TAFA2: variants seen among roughly 807,000 people sequenced by gnomAD.
The protein encoded by TAFA2 is chemokine-like protein TAFA-2.
TAFA2 carries 7 observed loss-of-function variants against 18.8 expected under a neutral mutation model. The ratio of observed to expected loss-of-function variants is 0.37; its 90% confidence interval spans 0.21 to 0.70. The LOEUF (loss-of-function observed/expected upper bound fraction) is 0.70. Among genes scored for constraint, TAFA2 ranks in the 30% least tolerant of loss-of-function variants. The probability of loss-of-function intolerance (pLI) is 0.53; values close to 1 mark genes in which losing one functional copy is unlikely to be tolerated. For missense variants in TAFA2, 122 were observed against 158.1 expected, an observed-to-expected ratio of 0.77 and a Z score of 1.23; for synonymous variants, 60 against 54.2, an observed-to-expected ratio of 1.11 and a Z score of -0.47.
chr12:61,948,675 T>C (rs911887009), intron 1 of TAFA2, among the ~76,000 whole-genome samples: 1 of 152,182 alleles, frequency 6.6e-6, no homozygotes, highest in Non-Finnish European at 1.5e-5. Flanking sequence ...GAAAAGAGAA[T>C]GTATTGTAGT....
At chr12:62,158,925 C>T (rs561239004) in intron 1 of TAFA2, among the ~76,000 whole-genome samples, 1 of 152,094 alleles carries the variant, frequency 6.6e-6, no homozygotes, top group African/African-American at 2.4e-5. Context: ...TAATTTGAAG[C>T]AAGGAAAAAG....
rs1195210174 is a variant in TAFA2, at chr12:61,879,738, T to C, written c.-1-12312A>G. The C allele has an allele frequency of 2.5e-6, 3 of 1,218,958 alleles. No homozygotes were observed. The African/African-American group carries it at 4.4e-5, about 18-fold the overall frequency. 75.5% of individuals were successfully genotyped at this position (1,218,958 alleles called of 1,614,324 possible). On this transcript the variant is annotated intron_variant, in intron 1 of 4. Coordinates refer to ENST00000416284, the MANE Select transcript of TAFA2 (RefSeq NM_178539.5). ...ATGGCTCAGAGCAACATGGACAACA[T>C]GTTCCAGAGCTACATCAACAACCTT...
chr12:62,124,008 A>G (rs1349964882), intron 1 of TAFA2, among the ~76,000 whole-genome samples: 1 of 152,152 alleles, frequency 6.6e-6, no homozygotes, highest in Non-Finnish European at 1.5e-5. Context: ...AGATGCAACA[A>G]TTTGGAAACA....
At chr12:62,195,124 T>C (rs1422458652), upstream of TAFA2, among the ~76,000 whole-genome samples, 3 of 152,218 alleles carry the variant, frequency 2.0e-5, no homozygotes, top group African/African-American at 4.8e-5. Context: ...AGGTTTGCTG[T>C]GTCAATTGAC....
chr12:61,927,933 G>A (rs1314212930), intron 1 of TAFA2, among the ~76,000 whole-genome samples: 1 of 152,154 alleles, frequency 6.6e-6, no homozygotes, highest in Non-Finnish European at 1.5e-5. Flanking sequence ...TTTAATAAAT[G>A]GCGTTGGGAA....
At chr12:62,113,880 T>C (rs1268981243) in intron 1 of TAFA2, among the ~76,000 whole-genome samples, 1 of 152,218 alleles carries the variant, frequency 6.6e-6, no homozygotes, top group Non-Finnish European at 1.5e-5. Flanking sequence ...TTCAGACTGC[T>C]GTACTGGCAG....
intron 1 of TAFA2, among the ~76,000 whole-genome samples, chr12:61,972,782 G>A (rs527943908): frequency 3.3e-5 from 5 of 151,580 alleles, no homozygotes; most frequent in African/African-American, 1.2e-4. Flanking sequence ...GGGATGATCT[G>A]CTAAGGGAAA....
intron 2 of TAFA2, among the ~76,000 whole-genome samples, chr12:61,788,011 T>A (rs776677016): frequency 3.3e-5 from 5 of 151,610 alleles, no homozygotes; most frequent in Non-Finnish European, 7.4e-5. Flanking sequence ...TGGAAAAAGA[T>A]ATTACATGCA....
At chr12:61,968,369 C>A (rs187786714) in intron 1 of TAFA2, among the ~76,000 whole-genome samples, 218 of 151,904 alleles carry the variant, frequency 1.4e-3, no homozygotes, top group Admixed American at 2.6e-3. Flanking sequence ...CATTAGTACT[C>A]TACATATGAA....
chr12:62,118,652 C>G, intron 1 of TAFA2, among the ~76,000 whole-genome samples: 1 of 151,822 alleles, frequency 6.6e-6, no homozygotes, highest in Admixed American at 6.6e-5. Flanking sequence ...ATATTTTCTT[C>G]CAAAAGAACA....
In TAFA2 at chr12:61,991,975, G is replaced by T. The variant is rs376245752; in HGVS notation, c.-1-124549C>A. On this transcript the variant is annotated intron_variant, in intron 1 of 4. Transcript: ENST00000416284. ...CAGTTCTTCTCCCGTATCACTTTCA[G>T]TCTTCTTTGCTGGCTCTTTCTCATC... 6.6e-5 allele frequency among the ~76,000 whole-genome samples: 10 copies of T among 152,244 alleles called. No individual in the cohort carries two copies. In the South Asian group the frequency reaches 1.2e-3, roughly 19 times the overall value.
chr12:61,850,035 T>G (rs969187496), intron 2 of TAFA2, among the ~76,000 whole-genome samples: 1 of 152,126 alleles, frequency 6.6e-6, no homozygotes, highest in Non-Finnish European at 1.5e-5. Flanking sequence ...TCATGCATTT[T>G]CAACAGGGGT....
intron 4 of TAFA2, among the ~76,000 whole-genome samples, chr12:61,747,236 G>A (rs1868759936): frequency 6.7e-6 from 1 of 149,722 alleles, no homozygotes; most frequent in Non-Finnish European, 1.5e-5. Flanking sequence ...AGAGGATGTG[G>A]AGAAATAGGA....
chr12:62,035,244 T>C (rs1011446426), intron 1 of TAFA2, among the ~76,000 whole-genome samples: 1 of 152,204 alleles, frequency 6.6e-6, no homozygotes, highest in Non-Finnish European at 1.5e-5. Context: ...CAAAGCACTA[T>C]GCTGGCCACT....
chr12:62,206,064 G>T (rs1035635009), intron 1 of TAFA2, among the ~76,000 whole-genome samples: 3 of 152,052 alleles, frequency 2.0e-5, no homozygotes, highest in Non-Finnish European at 4.4e-5. Context: ...TAGTCAGTCC[G>T]AATGAGAGAA....
chr12:62,139,785 C>T (rs936691187), intron 1 of TAFA2, among the ~76,000 whole-genome samples: 1 of 152,058 alleles, frequency 6.6e-6, no homozygotes, highest in South Asian at 2.1e-4. Context: ...GGGATCTAGA[C>T]CAATTTCCTC....
In TAFA2 at chr12:62,191,674, G is replaced by T. The variant is rs907051935; in HGVS notation, c.-417C>A. On this transcript the variant is annotated 5_prime_UTR_variant, in exon 1 of 5. Transcript: ENST00000416284. ...GCGCCCGCGGTCGCCTCCTGTCCTC[G>T]CCGGATGCGCGCGGTGCGCTCAGCT... 1 of 152,190 alleles carries T rather than the reference G, an allele frequency of 6.6e-6. No homozygotes were observed. The highest frequency in any genetic ancestry group is 2.4e-5 in the African/African-American group (1 of 41,444). The allele number at this position is 152,190 out of a possible 1,614,324, so 9.4% of individuals were successfully genotyped here. A position where few individuals can be genotyped will look rare whatever the true frequency, so the allele number is the denominator to read the frequency against.
intron 4 of TAFA2, among the ~76,000 whole-genome samples, chr12:61,738,560 C>T (rs1380202884): frequency 6.6e-6 from 1 of 152,012 alleles, no homozygotes; most frequent in African/African-American, 2.4e-5. Flanking sequence ...AACCCAATGT[C>T]TGATGGCTAT....
chr12:61,767,499 T>C (rs1038894629), intron 2 of TAFA2, among the ~76,000 whole-genome samples: 1 of 152,030 alleles, frequency 6.6e-6, no homozygotes, highest in African/African-American at 2.4e-5. Context: ...TTTTCACATA[T>C]GTGGTATGCT....
Sources: allele counts gnomAD v4.1 joint callset (sites outside exome capture counted in the v4.1 genomes callset), GRCh38; gene constraint gnomAD v4.1.1; transcripts MANE v1.5; gene names NCBI Gene and HGNC (gene_info 2026-07-23, HGNC 2026-07-21).